TNFRSF8: variants seen among roughly 807,000 people sequenced by gnomAD.
The protein encoded by TNFRSF8 is tumor necrosis factor receptor superfamily member 8.
In TNFRSF8, 26 loss-of-function variants were observed where a neutral mutation model predicts 70.8. The observed-to-expected ratio is 0.37, with a 90% CI of 0.27 to 0.51. The LOEUF is 0.51. Ranked by LOEUF, TNFRSF8 falls within the 20% of genes least tolerant of loss-of-function variation. The probability of loss-of-function intolerance (pLI) is 0.94; values close to 1 mark genes in which losing one functional copy is unlikely to be tolerated. For synonymous variants in TNFRSF8, 356 were observed against 339.2 expected (o/e 1.05, Z -0.54); for missense variants, 720 against 807.9 (o/e 0.89, Z 1.32).
Position 12,109,968 on chromosome 1 carries a change from T to C in TNFRSF8, c.513-73T>C. ...CCTGGGACCCCATCTCTGTGGAAACTGTTACTCGTGAGCACAGGCCTCCCT... is the reference window on the plus strand; with the variant it reads ...CCTGGGACCCCATCTCTGTGGAAACCGTTACTCGTGAGCACAGGCCTCCCT... On this transcript the variant is annotated intron_variant, in intron 5 of 14. Transcript: ENST00000263932. This position sits in a 1 kb window ranked among gnomAD's most constrained non-coding sequence, Gnocchi z 4.4. 1 of 1,541,098 alleles carries C rather than the reference T, an allele frequency of 6.5e-7. No individual in the cohort carries two copies. The highest frequency in any genetic ancestry group is 2.3e-5 in the East Asian group (1 of 44,436).
intron 2 of TNFRSF8, among the ~76,000 whole-genome samples, chr1:12,095,296 T>C (rs963588991): frequency 1.3e-5 from 2 of 152,080 alleles, no homozygotes; most frequent in African/African-American, 4.8e-5. Flanking sequence ...TATCTTTTTT[T>C]TTTTTTTTGA....
At chr1:12,095,937 C>T (rs1641323906) in intron 2 of TNFRSF8, among the ~76,000 whole-genome samples, 1 of 152,230 alleles carries the variant, frequency 6.6e-6, no homozygotes, top group African/African-American at 2.4e-5. Flanking sequence ...AAGTCCTGCC[C>T]ACACCATGCC....
At chr1:12,129,245 A>G (rs1407556858) in intron 12 of TNFRSF8, among the ~76,000 whole-genome samples, 1 of 152,226 alleles carries the variant, frequency 6.6e-6, no homozygotes, top group Non-Finnish European at 1.5e-5. Context: ...TTTCAAACTT[A>G]TAGAAATGGT....
intron 8 of TNFRSF8, among the ~76,000 whole-genome samples, chr1:12,116,058 C>T (rs1041169329): frequency 1.4e-4 from 22 of 152,028 alleles, no homozygotes; most frequent in Admixed American, 7.2e-4. Flanking sequence ...CTCGGCTCAC[C>T]GCAACCTGCA....
At chr1:12,107,767 T>G (rs1261669847) in intron 4 of TNFRSF8, among the ~76,000 whole-genome samples, 1 of 152,216 alleles carries the variant, frequency 6.6e-6, no homozygotes, top group East Asian at 1.9e-4. Flanking sequence ...GGTTGTTGTT[T>G]TTTTTCCAGC....
rs182386026 is a variant in TNFRSF8 at position 12,069,416 on chromosome 1, C to A, written c.63+5755C>A. On this transcript the variant is annotated intron_variant, in intron 1 of 14. Transcript: ENST00000263932. ...CTGGTCTCAAACTCCTGACCTCAGA[C>A]GAGCCCCCCCGCCTCAGCCTCCCAA... Among the ~76,000 whole-genome samples the A allele has an allele frequency of 5.3e-5, 8 of 150,928 alleles. No individual in the cohort carries two copies. In the East Asian group the frequency reaches 1.6e-3, roughly 30 times the overall value.
At chr1:12,103,354 TAA>T (rs201852756) in intron 3 of TNFRSF8, among the ~76,000 whole-genome samples, 12 of 146,394 alleles carry the variant, frequency 8.2e-5, no homozygotes, top group African/African-American at 2.5e-4. Context: ...GACTCTGTCT[TAA>T]AAAAAAAAAA....
rs1344065739 is a variant in TNFRSF8 at position 12,070,063 on chromosome 1, T to G, written c.63+6402T>G. Reference sequence around the variant, plus strand: ...AGGTGGCAGGAAAGGTGGTAGATCGTGCAGACCTTTGTGGACTGTGGTGAG... The same window carrying G: ...AGGTGGCAGGAAAGGTGGTAGATCGGGCAGACCTTTGTGGACTGTGGTGAG... On this transcript the variant is annotated intron_variant, in intron 1 of 14. Coordinates refer to ENST00000263932, the MANE Select transcript of TNFRSF8 (RefSeq NM_001243.5). Among the ~76,000 whole-genome samples, 7 of 151,602 alleles carry G rather than the reference T, an allele frequency of 4.6e-5. No individual in the cohort carries two copies. In the South Asian group the frequency reaches 1.5e-3, roughly 32 times the overall value.
chr1:12,083,229 A>C (rs1240008545), intron 1 of TNFRSF8, among the ~76,000 whole-genome samples: 3 of 152,238 alleles, frequency 2.0e-5, no homozygotes, highest in African/African-American at 7.2e-5. Context: ...TAGTACGACT[A>C]CTTTAGAAGC....
intron 12 of TNFRSF8, among the ~76,000 whole-genome samples, chr1:12,134,039 C>CA (rs1284835864): frequency 6.6e-6 from 1 of 151,786 alleles, no homozygotes; most frequent in Admixed American, 6.6e-5. Context: ...GACTCTGTCT[C>CA]AAAAAAAGAA....
In TNFRSF8 at chr1:12,090,330, C is replaced by T. The variant is rs1291152723; in HGVS notation, c.151+5779C>T. Among the ~76,000 whole-genome samples, 23 of 151,530 alleles carry T rather than the reference C, an allele frequency of 1.5e-4. 1 individual carries two copies. On this transcript the variant is annotated intron_variant, in intron 2 of 14. Transcript: ENST00000263932. ...CACCCATCCACCTTTCCCCATCCATCCATCCATCCATCCACCCATCCGTCT... is the reference window on the plus strand; with the variant it reads ...CACCCATCCACCTTTCCCCATCCATTCATCCATCCATCCACCCATCCGTCT...
At chr1:12,082,060 T>C (rs6698465) in intron 1 of TNFRSF8, among the ~76,000 whole-genome samples, 91,495 of 151,592 alleles carry the variant, frequency 0.6, 28,350 homozygotes, top group African/African-American at 0.71. Flanking sequence ...TTTTCCCTTT[T>C]GCTCCACCCT....
In TNFRSF8 at chr1:12,113,731, C is replaced by G. The variant is rs72641092; in HGVS notation, c.793+1717C>G. Among the ~76,000 whole-genome samples the G allele has an allele frequency of 0.064, 9,591 of 149,270 alleles. 348 individuals are homozygous for G. Among genetic ancestry groups the G allele is most frequent in the Non-Finnish European group, 0.082 (5,510 of 67,210 alleles). On this transcript the variant is annotated intron_variant, in intron 7 of 14. Transcript: ENST00000263932. The surrounding 1 kb of genome is among the most constrained non-coding windows in gnomAD (Gnocchi z 4.9). ...AGAGAGAGACAGAGATAGAGTGTGACAGAGAGAAAGACAGAGAAAGAGAGA... is the reference window on the plus strand; with the variant it reads ...AGAGAGAGACAGAGATAGAGTGTGAGAGAGAGAAAGACAGAGAAAGAGAGA...
Position 12,142,267 on chromosome 1 carries a change from C to A in TNFRSF8, c.1544-20C>A. On this transcript the variant is annotated intron_variant, in intron 14 of 14. Coordinates refer to ENST00000263932, the MANE Select transcript of TNFRSF8 (RefSeq NM_001243.5). This position sits in a 1 kb window ranked among gnomAD's most constrained non-coding sequence, Gnocchi z 5.0. ...CTGGTGCTCTGGCCTCCCTCGCTCA[C>A]CCATCCTTTTGCCTTGCAGAGAAAA... 1 of 1,565,682 alleles carries A rather than the reference C, an allele frequency of 6.4e-7. No individual in the cohort carries two copies. The highest frequency in any genetic ancestry group is 8.7e-7 in the Non-Finnish European group (1 of 1,152,258).
At chr1:12,074,069 T>C (rs1464320832) in intron 1 of TNFRSF8, among the ~76,000 whole-genome samples, 1 of 151,736 alleles carries the variant, frequency 6.6e-6, no homozygotes, top group Non-Finnish European at 1.5e-5. Context: ...AATTGGCTCA[T>C]GGAGCCGGCA....
chr1:12,112,392 CTTT>C lies in TNFRSF8; in HGVS notation c.793+389_793+391del. On this transcript the variant is annotated intron_variant, in intron 7 of 14. Transcript: ENST00000263932. The surrounding 1 kb of genome is among the most constrained non-coding windows in gnomAD (Gnocchi z 5.3). The stretch of plus-strand genomic sequence containing the variant: ...TCGCTGCCCCTATGAGCCACTTATT[CTTT>C]TTTTTTTTTTCCCAGACAGGGTCTC... 6.9e-6 allele frequency among the ~76,000 whole-genome samples: 1 copy of C among 144,684 alleles called. No homozygotes were observed. The highest frequency in any genetic ancestry group is 2.5e-5 in the African/African-American group (1 of 39,552). The allele number at this position is 144,684 out of a possible 152,430, so 94.9% of individuals were successfully genotyped here.
intron 1 of TNFRSF8, among the ~76,000 whole-genome samples, chr1:12,079,640 G>A (rs563724684): frequency 7.9e-5 from 12 of 152,224 alleles, no homozygotes; most frequent in African/African-American, 2.6e-4. Context: ...CCCCTTCCTC[G>A]CTCAGCTCCA....
In TNFRSF8 at chr1:12,112,159, C is replaced by A; in HGVS notation, c.793+145C>A. The stretch of plus-strand genomic sequence containing the variant: ...AGGGCTTCCATTGGCATATTATTTC[C>A]TTCCAGGAAGCGTTTGTGAATCACC... On this transcript the variant is annotated intron_variant, in intron 7 of 14. Coordinates refer to ENST00000263932, the MANE Select transcript of TNFRSF8 (RefSeq NM_001243.5). This position sits in a 1 kb window ranked among gnomAD's most constrained non-coding sequence, Gnocchi z 5.3. The A allele has an allele frequency of 3.3e-6, 2 of 605,216 alleles. No individual in the cohort carries two copies. The highest frequency in any genetic ancestry group is 2.9e-6 in the Non-Finnish European group (1 of 342,564). The allele number at this position is 605,216 out of a possible 1,614,324, so 37.5% of individuals were successfully genotyped here.
chr1:12,124,494 T>C (rs1226985300), intron 10 of TNFRSF8, among the ~76,000 whole-genome samples: 1 of 152,198 alleles, frequency 6.6e-6, no homozygotes, highest in East Asian at 1.9e-4. Flanking sequence ...CGTGCAGGGT[T>C]ATAAGCAGTG....
Sources: gnomAD v4.1 joint callset for allele counts (sites outside exome capture counted in the v4.1 genomes callset) on GRCh38, gnomAD v4.1.1 for gene constraint, Gnocchi (gnomAD v3.1) non-coding constraint, MANE v1.5 for transcripts, NCBI Gene and HGNC (gene_info 2026-07-23, HGNC 2026-07-21) for gene names.